IL1RAPL1: variants seen among roughly 807,000 people sequenced by gnomAD.
IL1RAPL1 encodes the protein interleukin-1 receptor accessory protein-like 1.
Under a neutral mutation model 48.4 loss-of-function variants are expected in IL1RAPL1, and 3 were observed. That is an observed-to-expected ratio of 0.06 (90% CI 0.03 to 0.16). IL1RAPL1 has a LOEUF of 0.16. Among genes scored for constraint, IL1RAPL1 ranks in the 10% least tolerant of loss-of-function variants. The probability of loss-of-function intolerance (pLI) is 1.00; values close to 1 mark genes in which losing one functional copy is unlikely to be tolerated. For synonymous variants in IL1RAPL1, 185 were observed against 187.7 expected (o/e 0.99, Z 0.12); for missense variants, 349 against 530.6 (o/e 0.66, Z 3.36).
rs1932997504 is a variant in IL1RAPL1, at chrX:29,336,347, GTA to G, written c.362+53134_362+53135del. Among the ~76,000 whole-genome samples, 5 of 60,010 alleles carry G rather than the reference GTA, an allele frequency of 8.3e-5. No individual in the cohort carries two copies. In the South Asian group the frequency reaches 2.2e-3, roughly 26 times the overall value. The allele number at this position is 60,010 out of a possible 115,157, so 52.1% of individuals were successfully genotyped here. ...TGTGTGTGTGTGTGTGTGTGTGTGT[GTA>G]TATCTATGTATATATATACCTGATA... On this transcript the variant is annotated intron_variant, in intron 3 of 10. Coordinates refer to ENST00000378993, the MANE Select transcript of IL1RAPL1 (RefSeq NM_014271.4).
At chrX:28,921,604 T>C (rs1030222695) in intron 2 of IL1RAPL1, among the ~76,000 whole-genome samples, 13 of 111,505 alleles carry the variant, frequency 1.2e-4, no homozygotes, top group African/African-American at 4.2e-4. Flanking sequence ...AGGAATAGCC[T>C]ACACTAGATT....
intron 2 of IL1RAPL1, among the ~76,000 whole-genome samples, chrX:29,265,557 G>A (rs1931939750): frequency 9.6e-6 from 1 of 104,106 alleles, no homozygotes; most frequent in African/African-American, 3.5e-5. Context: ...TGCCATGCTG[G>A]TGTGCTGCAC....
At chrX:29,284,022 T>A (rs753613196) in intron 3 of IL1RAPL1, among the ~76,000 whole-genome samples, 1 of 112,880 alleles carries the variant, frequency 8.9e-6, no homozygotes, top group Non-Finnish European at 1.9e-5. Context: ...TTAGCGAAGC[T>A]GGGTATAGTC....
chrX:29,251,331 A>T (rs1437106062), intron 2 of IL1RAPL1, among the ~76,000 whole-genome samples: 1 of 110,784 alleles, frequency 9.0e-6, no homozygotes, highest in Non-Finnish European at 1.9e-5. Flanking sequence ...TAATAGAGTA[A>T]AGCAAAACAA....
At chrX:28,603,026 T>C (rs1285726529) in intron 1 of IL1RAPL1, among the ~76,000 whole-genome samples, 1 of 111,740 alleles carries the variant, frequency 8.9e-6, no homozygotes, top group Admixed American at 9.6e-5. Context: ...TACACACAAA[T>C]TTACTTTTTG....
chrX:29,925,574 G>C (rs749587507), intron 8 of IL1RAPL1, among the ~76,000 whole-genome samples: 1 of 107,298 alleles, frequency 9.3e-6, no homozygotes, highest in African/African-American at 3.4e-5. Context: ...GCCTCATTCT[G>C]TTGCCCAGGC....
At chrX:29,667,590 A>C (rs1926032866) in intron 5 of IL1RAPL1, among the ~76,000 whole-genome samples, 1 of 112,090 alleles carries the variant, frequency 8.9e-6, no homozygotes, top group African/African-American at 3.2e-5. Context: ...TGAGGAGGCT[A>C]GATGAAGGAG....
chrX:28,956,116 C>A (rs970724015), intron 2 of IL1RAPL1, among the ~76,000 whole-genome samples: 1 of 107,475 alleles, frequency 9.3e-6, no homozygotes, highest in African/African-American at 3.4e-5. Flanking sequence ...GATTTTGTAT[C>A]CTGAGACTTT....
chrX:29,108,434 T>C (rs757137737), intron 2 of IL1RAPL1, among the ~76,000 whole-genome samples: 86 of 111,239 alleles, frequency 7.7e-4, no homozygotes, highest in Middle Eastern at 4.6e-3. Flanking sequence ...GGAGTTTCAC[T>C]CTTCTTGCCC....
rs768955282 is a variant in IL1RAPL1 at position 29,318,713 on chromosome X, T to C, written c.362+35496T>C. ...GTTTTGGTACATGTTGGAAATGTCATTTCAATCAGGGCTAATCATAATATG... is the reference window on the plus strand; with the variant it reads ...GTTTTGGTACATGTTGGAAATGTCACTTCAATCAGGGCTAATCATAATATG... On this transcript the variant is annotated intron_variant, in intron 3 of 10. Transcript: ENST00000378993. Among the ~76,000 whole-genome samples the C allele has an allele frequency of 4.4e-5, 5 of 112,610 alleles. No individual in the cohort carries two copies. In the East Asian group the frequency reaches 1.1e-3, roughly 25 times the overall value.
chrX:28,906,760 C>A (rs1434453355), intron 2 of IL1RAPL1, among the ~76,000 whole-genome samples: 1 of 110,185 alleles, frequency 9.1e-6, no homozygotes, highest in South Asian at 3.7e-4. Flanking sequence ...TCATTTATTT[C>A]TTGAGTATCT....
intron 2 of IL1RAPL1, among the ~76,000 whole-genome samples, chrX:29,123,248 T>G (rs1358573033): frequency 1.8e-5 from 2 of 109,879 alleles, no homozygotes; most frequent in Non-Finnish European, 3.8e-5. Flanking sequence ...CAGGCTGGTC[T>G]CGAACTCCTG....
At chrX:29,137,258 T>A (rs866769249) in intron 2 of IL1RAPL1, among the ~76,000 whole-genome samples, 96 of 100,371 alleles carry the variant, frequency 9.6e-4, no homozygotes, top group East Asian at 2.8e-3. Context: ...ACACTTGCGC[T>A]CACACACACA....
intron 2 of IL1RAPL1, among the ~76,000 whole-genome samples, chrX:29,087,898 A>T: frequency 9.0e-6 from 1 of 111,665 alleles, no homozygotes; most frequent in Admixed American, 9.5e-5. Flanking sequence ...AAGGCATGGT[A>T]GCATGTGCCT....
At chrX:28,860,463 CTT>C (rs760928051) in intron 2 of IL1RAPL1, among the ~76,000 whole-genome samples, 13 of 99,119 alleles carry the variant, frequency 1.3e-4, no homozygotes, top group Admixed American at 2.2e-4. Context: ...ATTTTCTTTT[CTT>C]TTTTTTTTTT....
chrX:28,824,589 C>G (rs982958496), intron 2 of IL1RAPL1, among the ~76,000 whole-genome samples: 1 of 110,964 alleles, frequency 9.0e-6, no homozygotes, highest in Non-Finnish European at 1.9e-5. Context: ...ACCACACCAC[C>G]CAGGGAAGAG....
rs141973162 is a variant in IL1RAPL1 at position 28,756,198 on chromosome X, A to G, written c.-24-33122A>G. Among the ~76,000 whole-genome samples, 594 of 111,539 alleles carry G rather than the reference A, an allele frequency of 5.3e-3. 4 individuals carry two copies. The highest frequency in any genetic ancestry group is 0.018 in the African/African-American group (567 of 30,697). On this transcript the variant is annotated intron_variant, in intron 1 of 10. Transcript: ENST00000378993. ...CTTGCTTCTCCAGGAGACTTTCAAG[A>G]TTTCATTTTTACAGACGTTTCTTGT...
chrX:29,635,637 TA>T (rs966432674), intron 5 of IL1RAPL1, among the ~76,000 whole-genome samples: 1 of 110,638 alleles, frequency 9.0e-6, no homozygotes, highest in East Asian at 2.8e-4. Context: ...AACACATTGA[TA>T]AAAAAATATA....
intron 2 of IL1RAPL1, among the ~76,000 whole-genome samples, chrX:29,073,997 C>A (rs1927619469): frequency 9.0e-6 from 1 of 111,264 alleles, no homozygotes; most frequent in South Asian, 3.8e-4. Context: ...AGGGGTTTTA[C>A]AGTATATTTT....
Sources: allele counts gnomAD v4.1 joint callset (sites outside exome capture counted in the v4.1 genomes callset), GRCh38; gene constraint gnomAD v4.1.1; transcripts MANE v1.5; gene names NCBI Gene and HGNC (gene_info 2026-07-23, HGNC 2026-07-21).